MSRA: variants seen among roughly 807,000 people sequenced by gnomAD.
The protein encoded by MSRA is methionine sulfoxide reductase A, also known as mitochondrial peptide methionine sulfoxide reductase.
MSRA carries 54 observed loss-of-function variants against 31.3 expected under a neutral mutation model. That is an observed-to-expected ratio of 1.73 (90% confidence interval 1.39 to 2.17). The LOEUF is 2.17. MSRA is among the 30% of genes most tolerant of loss of function. MSRA has a pLI of 0.00. For missense variants in MSRA, 507 were observed against 300.9 expected (o/e 1.69, Z -5.07); for synonymous variants, 169 against 116.5 (o/e 1.45, Z -2.90).
intron 3 of MSRA, among the ~76,000 whole-genome samples, chr8:10,280,938 C>A (rs2975645): frequency 1.3e-5 from 2 of 152,038 alleles, no homozygotes; most frequent in Non-Finnish European, 2.9e-5. Context: ...TTATTTGAAA[C>A]GTCCAGAATA....
Position 10,154,387 on chromosome 8 carries a change from C to CT in MSRA, c.143-53438dup, listed in dbSNP as rs1332004058. 1.4e-3 allele frequency among the ~76,000 whole-genome samples: 208 copies of CT among 150,876 alleles called. 1 individual carries two copies. Among genetic ancestry groups the CT allele is most frequent in the African/African-American group, 4.5e-3 (185 of 41,104 alleles). ...GGTTTTTTTTTTCTTTTCTTTCTTT[C>CT]TTTTTTTTGAGACTGAGTCTTGCTC... On this transcript the variant is annotated intron_variant, in intron 1 of 5. Transcript: ENST00000317173.
intron 5 of MSRA, among the ~76,000 whole-genome samples, chr8:10,406,014 A>G (rs980068408): frequency 6.6e-6 from 1 of 152,252 alleles, no homozygotes; most frequent in African/African-American, 2.4e-5. Context: ...CCTCCAGGGT[A>G]GGGCTGCCTG....
chr8:10,266,049 C>G (rs1051934749), intron 3 of MSRA, among the ~76,000 whole-genome samples: 8 of 152,184 alleles, frequency 5.3e-5, no homozygotes, highest in Admixed American at 2.0e-4. Context: ...ATGCTGCCAT[C>G]AATATTCATG....
chr8:10,424,642 C>T (rs1190575679), intron 5 of MSRA, among the ~76,000 whole-genome samples: 2 of 150,246 alleles, frequency 1.3e-5, no homozygotes, highest in East Asian at 2.0e-4. Context: ...GAAGGGTCTG[C>T]GGCGGAGCTA....
intron 5 of MSRA, among the ~76,000 whole-genome samples, chr8:10,343,660 A>C (rs1803585108): frequency 6.6e-6 from 1 of 152,196 alleles, no homozygotes; most frequent in Non-Finnish European, 1.5e-5. Flanking sequence ...TTACATTTGT[A>C]AAGGGTGCTG....
At chr8:10,389,878 G>C (rs1054962990) in intron 5 of MSRA, among the ~76,000 whole-genome samples, 1 of 149,806 alleles carries the variant, frequency 6.7e-6, no homozygotes, top group African/African-American at 2.5e-5. Context: ...GAAATGCAAG[G>C]TCATTCACAG....
At chr8:10,091,769 G>C (rs111459470) in intron 1 of MSRA, among the ~76,000 whole-genome samples, 1 of 152,052 alleles carries the variant, frequency 6.6e-6, no homozygotes, top group Non-Finnish European at 1.5e-5. Flanking sequence ...ACCACACCCC[G>C]CTAATTTTTG....
At chr8:10,121,245 C>A (rs551418038) in intron 1 of MSRA, among the ~76,000 whole-genome samples, 1 of 152,022 alleles carries the variant, frequency 6.6e-6, no homozygotes, top group Non-Finnish European at 1.5e-5. Context: ...GGGGTGGGAG[C>A]CTGAGGACCG....
intron 1 of MSRA, among the ~76,000 whole-genome samples, chr8:10,196,932 A>C (rs1324602005): frequency 6.6e-6 from 1 of 152,148 alleles, no homozygotes; most frequent in South Asian, 2.1e-4. Context: ...CTTTATAGAT[A>C]TGTTTAACAT....
chr8:10,169,793 A>T lies in MSRA; in HGVS notation c.143-38040A>T, dbSNP rs182669979. On this transcript the variant is annotated intron_variant, in intron 1 of 5. Transcript: ENST00000317173. Reference sequence around the variant, plus strand: ...TTAGTACATAACATTTGTTTTTAATAATTTTATTTTTTAATAATTTGTTTT... The same window carrying T: ...TTAGTACATAACATTTGTTTTTAATTATTTTATTTTTTAATAATTTGTTTT... Among the ~76,000 whole-genome samples the T allele has an allele frequency of 4.5e-3, 684 of 152,162 alleles. 4 individuals carry two copies. Among genetic ancestry groups the T allele is most frequent in the Admixed American group, 6.9e-3 (106 of 15,294 alleles).
intron 2 of MSRA, among the ~76,000 whole-genome samples, chr8:10,241,632 C>T (rs147783921): frequency 6.6e-6 from 1 of 152,156 alleles, no homozygotes; most frequent in African/African-American, 2.4e-5. Flanking sequence ...TAGAAGATCA[C>T]TATTTTGCAA....
In MSRA at chr8:10,156,501, G is replaced by A. The variant is rs367756475; in HGVS notation, c.143-51332G>A. On this transcript the variant is annotated intron_variant, in intron 1 of 5. Transcript: ENST00000317173. ...TATTAATTCTTGGTGAATGTAGGTG[G>A]AGAGTTATCAGTATTCAATGCTATA... Among the ~76,000 whole-genome samples, 26 of 152,252 alleles carry A rather than the reference G, an allele frequency of 1.7e-4. 2 individuals are homozygous for A. In the East Asian group the frequency reaches 4.6e-3, roughly 27 times the overall value.
chr8:10,359,552 C>G (rs1359281349), intron 5 of MSRA, among the ~76,000 whole-genome samples: 1 of 152,186 alleles, frequency 6.6e-6, no homozygotes, highest in Non-Finnish European at 1.5e-5. Flanking sequence ...TCTCCACCTC[C>G]TCCTCTTCCT....
Position 10,364,850 on chromosome 8 carries a change from A to T in MSRA, c.543+44861A>T, listed in dbSNP as rs555054047. On this transcript the variant is annotated intron_variant, in intron 5 of 5. Transcript: ENST00000317173. ...AAATCCCCGGATGTAGAAACATTGG[A>T]GTTGTCAATTTCATGTGCGTGGGTC... 2.4e-3 allele frequency among the ~76,000 whole-genome samples: 365 copies of T among 152,264 alleles called. 1 individual carries two copies. The highest frequency in any genetic ancestry group is 3.6e-3 in the Non-Finnish European group (244 of 68,014).
intron 5 of MSRA, among the ~76,000 whole-genome samples, chr8:10,347,822 C>T (rs115160982): frequency 0.012 from 1,822 of 152,304 alleles, 36 homozygotes; most frequent in African/African-American, 0.039. Flanking sequence ...ATGGCAGTTC[C>T]TCCCCTCCTT....
chr8:10,350,930 C>T (rs974655781), intron 5 of MSRA, among the ~76,000 whole-genome samples: 10 of 152,222 alleles, frequency 6.6e-5, no homozygotes, highest in African/African-American at 2.2e-4. Flanking sequence ...TACTGCCTGC[C>T]CTGCCTGTGG....
At chr8:10,137,923 A>G (rs1043000264) in intron 1 of MSRA, among the ~76,000 whole-genome samples, 1 of 152,216 alleles carries the variant, frequency 6.6e-6, no homozygotes, top group Non-Finnish European at 1.5e-5. Context: ...CAAAGGCATT[A>G]TCTCTAGTGT....
chr8:10,426,624 G>A (rs1055614505), intron 5 of MSRA, among the ~76,000 whole-genome samples: 69 of 152,232 alleles, frequency 4.5e-4, no homozygotes, highest in African/African-American at 1.6e-3. Context: ...GCAGAATCTG[G>A]GGAATGCAGT....
intron 5 of MSRA, among the ~76,000 whole-genome samples, chr8:10,410,122 G>A (rs1216497662): frequency 6.6e-6 from 1 of 152,192 alleles, no homozygotes; most frequent in African/African-American, 2.4e-5. Context: ...TCCGAGCCTG[G>A]GTCCAGGATC....
Sources: allele counts gnomAD v4.1 joint callset (sites outside exome capture counted in the v4.1 genomes callset), GRCh38; gene constraint gnomAD v4.1.1; transcripts MANE v1.5; gene names NCBI Gene and HGNC (gene_info 2026-07-23, HGNC 2026-07-21).